Variants in ARL17A observed in about 807,000 individuals in gnomAD.
ARL17A encodes the protein ARF like GTPase 17A.
chr17:46,553,357 T>C lies in ARL17A; in HGVS notation c.*3999A>G. On this transcript the variant is annotated 3_prime_UTR_variant, in exon 4 of 4. Transcript: ENST00000336125. The stretch of plus-strand genomic sequence containing the variant: ...ATCAATACAGATTTGGAGACGGTGG[T>C]TGTTGTCATAGATAATCTTAATTGC... 1 of 1,609,168 alleles carries C rather than the reference T, an allele frequency of 6.2e-7. No homozygotes were observed. The highest frequency in any genetic ancestry group is 8.5e-7 in the Non-Finnish European group (1 of 1,179,754).
intron 3 of ARL17A, among the ~76,000 whole-genome samples, chr17:46,541,207 A>T (rs917827535): frequency 5.4e-5 from 8 of 148,430 alleles, no homozygotes; most frequent in African/African-American, 2.1e-4. Context: ...AAATGAAATC[A>T]TATAGCACAT....
chr17:46,554,940 TG>T lies in ARL17A; in HGVS notation c.*2415del. The T allele has an allele frequency of 3.3e-6, 1 of 300,548 alleles. No individual in the cohort carries two copies. The allele number at this position is 300,548 out of a possible 1,614,324, so 18.6% of individuals were successfully genotyped here. ...CATACAAAGTCCCCCCAGTATATTGTGGGGCCCTTCTGGGCAGACATGGAGA... is the reference window on the plus strand; with the variant it reads ...CATACAAAGTCCCCCCAGTATATTGTGGGCCCTTCTGGGCAGACATGGAGA... On this transcript the variant is annotated 3_prime_UTR_variant, in exon 4 of 4. Transcript: ENST00000336125.
rs541404237 is a variant in ARL17A at position 46,543,750 on chromosome 17, A to G, written c.260-5324T>C. 7.2e-4 allele frequency among the ~76,000 whole-genome samples: 109 copies of G among 151,102 alleles called. 7 individuals are homozygous for G. Among genetic ancestry groups the G allele is most frequent in the African/African-American group, 2.1e-3 (86 of 40,392 alleles). On this transcript the variant is annotated intron_variant, in intron 3 of 4. Coordinates refer to the ARL17A transcript ENST00000329240. ...AAGTTATACAGGTGTTCATTATACC[A>G]TTTGAAAATGTTTCCCAGCCATCCT...
intron 3 of ARL17A, among the ~76,000 whole-genome samples, chr17:46,545,483 A>G (rs1160391907): frequency 1.7e-5 from 2 of 117,546 alleles, no homozygotes; most frequent in Non-Finnish European, 3.3e-5. Flanking sequence ...GGTAATTAAT[A>G]AATAATCTGT....
chr17:46,522,660 G>A (rs1311529369), intron 3 of ARL17A, among the ~76,000 whole-genome samples: 1 of 57,152 alleles, frequency 1.7e-5, no homozygotes, highest in Non-Finnish European at 3.4e-5. Context: ...TAGCCAGGAT[G>A]GTCTCGATAT....
the ARL17A span, among the ~76,000 whole-genome samples, chr17:46,502,085 G>T: frequency 6.6e-6 from 1 of 151,314 alleles, no homozygotes; most frequent in African/African-American, 2.5e-5. Context: ...CATTTTGTAA[G>T]TAATGAGTTT....
chr17:46,575,449 C>T (rs1202207329), intron 2 of ARL17A, among the ~76,000 whole-genome samples: 1 of 150,568 alleles, frequency 6.6e-6, no homozygotes, highest in Admixed American at 6.6e-5. Flanking sequence ...GAGATGCTGC[C>T]ACTAAGGAAG....
downstream of ARL17A, among the ~76,000 whole-genome samples, chr17:46,551,369 A>G (rs2056799695): frequency 6.6e-6 from 1 of 150,632 alleles, no homozygotes; most frequent in African/African-American, 2.5e-5. Context: ...CCTTGACGCT[A>G]TGCCACCAGT....
chr17:46,533,412 C>A (rs1365163164), intron 4 of ARL17A, among the ~76,000 whole-genome samples: 11 of 123,602 alleles, frequency 8.9e-5, no homozygotes, highest in Admixed American at 1.6e-4. Flanking sequence ...CTCCTTTATA[C>A]TGTTATTGTC....
chr17:46,521,395 T>C (rs1339125097), intron 3 of ARL17A, among the ~76,000 whole-genome samples: 1 of 50,268 alleles, frequency 2.0e-5, no homozygotes, highest in African/African-American at 7.1e-5. Context: ...ACGTTTCCTT[T>C]AAAATAGTTA....
downstream of ARL17A, chr17:46,549,021 G>A (rs766989860): frequency 2.0e-5 from 33 of 1,612,164 alleles, no homozygotes; most frequent in South Asian, 4.4e-5. Context: ...ATACGAAGAC[G>A]TCTAAACCAA....
At chr17:46,543,356 A>G (rs546824290) in intron 3 of ARL17A, among the ~76,000 whole-genome samples, 2 of 150,794 alleles carry the variant, frequency 1.3e-5, no homozygotes, top group African/African-American at 5.0e-5. Context: ...ATTTGTCAGT[A>G]TACTTTAAAA....
chr17:46,535,036 C>A (rs2054451181), intron 4 of ARL17A, among the ~76,000 whole-genome samples: 1 of 149,716 alleles, frequency 6.7e-6, no homozygotes, highest in Non-Finnish European at 1.5e-5. Flanking sequence ...GCGCTCCTCA[C>A]ATCCCAGACG....
intron 3 of ARL17A, among the ~76,000 whole-genome samples, chr17:46,542,947 G>A (rs540882456): frequency 6.7e-6 from 1 of 149,946 alleles, no homozygotes; most frequent in Admixed American, 6.6e-5. Flanking sequence ...ATCTTGACCA[G>A]GTTGTCAGAT....
At chr17:46,529,126 C>G (rs1008625779) in intron 4 of ARL17A, among the ~76,000 whole-genome samples, 2 of 134,706 alleles carry the variant, frequency 1.5e-5, no homozygotes, top group African/African-American at 5.5e-5. Context: ...GTCCTTTCAT[C>G]TCTCTCTCCT....
At chr17:46,503,225 A>G in the ARL17A span, among the ~76,000 whole-genome samples, 1 of 131,182 alleles carries the variant, frequency 7.6e-6, no homozygotes, top group Admixed American at 7.8e-5. Flanking sequence ...AAAAAAAAAA[A>G]ATAGTCTTCA....
Position 46,541,743 on chromosome 17 carries a change from T to C in ARL17A, c.260-3317A>G, listed in dbSNP as rs556004290. On this transcript the variant is annotated intron_variant, in intron 3 of 4. Transcript: ENST00000329240. The stretch of plus-strand genomic sequence containing the variant: ...AAGCAGTAGAAAATTTAAAATACAG[T>C]ATAATTATGTACATACCATTTACAC... 1.6e-4 allele frequency among the ~76,000 whole-genome samples: 24 copies of C among 150,940 alleles called. No homozygotes were observed. In the East Asian group the frequency reaches 4.5e-3, roughly 28 times the overall value.
rs1048679047 is a variant in ARL17A at position 46,542,760 on chromosome 17, G to A, written c.260-4334C>T. Among the ~76,000 whole-genome samples the A allele has an allele frequency of 5.3e-5, 8 of 150,356 alleles. 1 individual carries two copies. Among genetic ancestry groups the A allele is most frequent in the African/African-American group, 1.8e-4 (7 of 39,778 alleles). On this transcript the variant is annotated intron_variant, in intron 3 of 4. Coordinates refer to the ARL17A transcript ENST00000329240. ...ATATGTATGCCTGCGGGGCCCTATT[G>A]TGAGTTTGTTACACAATTTACTGCA...
intron 3 of ARL17A, among the ~76,000 whole-genome samples, chr17:46,543,858 T>TTTA (rs1229523686): frequency 3.3e-5 from 5 of 150,082 alleles, no homozygotes; most frequent in Non-Finnish European, 5.9e-5. Context: ...GGCTCATGCC[T>TTTA]GTAATCCCAG....
Sources: gnomAD v4.1 joint callset for allele counts (sites outside exome capture counted in the v4.1 genomes callset) on GRCh38, gnomAD v4.1.1 for gene constraint, MANE v1.5 for transcripts, NCBI Gene and HGNC (gene_info 2026-07-23, HGNC 2026-07-21) for gene names.